The following PSMD14 variants were observed in gnomAD, a reference collection of about 807,000 sequenced individuals.
The protein encoded by PSMD14 is ubiquitin C-terminal hydrolase PSMD14.
PSMD14 carries 7 observed loss-of-function variants against 41.2 expected under a neutral mutation model. The ratio of observed to expected loss-of-function variants is 0.17; its 90% CI spans 0.10 to 0.32. The LOEUF (loss-of-function observed/expected upper bound fraction) is 0.32. PSMD14 is among the 10% of genes least tolerant of loss of function. The pLI, the probability that PSMD14 is intolerant of heterozygous loss-of-function variation, is 1.00. For synonymous variants in PSMD14, 114 were observed against 122.3 expected (o/e 0.93, Z 0.45); for missense variants, 139 against 375.6 (o/e 0.37, Z 5.21).
At chr2:161,391,042 C>G in intron 8 of PSMD14, 62 bp from the exon 9 acceptor site, 1 of 1,361,416 alleles carries the variant, frequency 7.3e-7, no homozygotes, top group Non-Finnish European at 9.7e-7. Context: ...TCAACAGTTT[C>G]AAACATTTTT....
At chr2:161,378,845 G>A (rs1440919074) in intron 7 of PSMD14, among the ~76,000 whole-genome samples, 4 of 151,958 alleles carry the variant, frequency 2.6e-5, no homozygotes, top group African/African-American at 9.7e-5. Flanking sequence ...GAGAGGATTA[G>A]CAAGATAATT....
chr2:161,407,766 T>C (rs1110587), intron 10 of PSMD14: 143,205 of 152,076 alleles, frequency 0.94, 67,478 homozygotes, highest in East Asian at 1. Context: ...CCATCTCACC[T>C]CCTTTTGTAA....
intron 8 of PSMD14, among the ~76,000 whole-genome samples, chr2:161,389,495 T>G (rs1245185260): frequency 6.6e-6 from 1 of 152,188 alleles, no homozygotes; most frequent in Non-Finnish European, 1.5e-5. Flanking sequence ...TCATTGCTTC[T>G]GATGATTATT....
chr2:161,381,330 G>GA (rs1683568022), intron 7 of PSMD14: 1 of 151,182 alleles, frequency 6.6e-6, no homozygotes. Flanking sequence ...TTAAGCTCAA[G>GA]AAAATGAATG....
At chr2:161,350,999 A>G (rs3769963) in intron 3 of PSMD14, among the ~76,000 whole-genome samples, 22,480 of 152,054 alleles carry the variant, frequency 0.15, 1,978 homozygotes, top group East Asian at 0.3. Context: ...CCTTTGTCCA[A>G]TCTCCCTTAG....
intron 7 of PSMD14, among the ~76,000 whole-genome samples, chr2:161,379,421 A>G (rs1375990571): frequency 6.6e-6 from 1 of 152,036 alleles, no homozygotes; most frequent in African/African-American, 2.4e-5. Context: ...GAGAGATAAT[A>G]ACCTTCAGTA....
intron 3 of PSMD14, among the ~76,000 whole-genome samples, chr2:161,348,352 A>G (rs760122779): frequency 1.3e-5 from 2 of 152,234 alleles, no homozygotes; most frequent in Non-Finnish European, 2.9e-5. Context: ...AAGCAGCCAT[A>G]TATTACAAAA....
chr2:161,365,616 C>G (rs1683347983), intron 3 of PSMD14, among the ~76,000 whole-genome samples: 1 of 151,982 alleles, frequency 6.6e-6, no homozygotes, highest in African/African-American at 2.4e-5. Context: ...TAAGATTGCT[C>G]TGGATTCAGG....
At chr2:161,386,153 CTT>C (rs1187826823) in intron 8 of PSMD14, among the ~76,000 whole-genome samples, 1 of 151,790 alleles carries the variant, frequency 6.6e-6, no homozygotes, top group African/African-American at 2.4e-5. Flanking sequence ...TTAATATCCT[CTT>C]GAGTGATTGT....
At chr2:161,343,005 T>G (rs761687121) in intron 3 of PSMD14, among the ~76,000 whole-genome samples, 1 of 152,228 alleles carries the variant, frequency 6.6e-6, no homozygotes, top group South Asian at 2.1e-4. Context: ...TTGTGCTATA[T>G]GTTGAAAATC....
intron 3 of PSMD14, among the ~76,000 whole-genome samples, chr2:161,359,513 T>A (rs1166110413): frequency 6.6e-6 from 1 of 152,142 alleles, no homozygotes; most frequent in Admixed American, 6.5e-5. Flanking sequence ...TTTTTTTAAT[T>A]GGACTTGGAA....
At chr2:161,383,908 G>T (rs923210336) in intron 7 of PSMD14, 1 of 151,350 alleles carries the variant, frequency 6.6e-6, no homozygotes, top group Non-Finnish European at 1.5e-5. Context: ...TTTAACAATT[G>T]TTTGAAGTTA....
intron 7 of PSMD14, among the ~76,000 whole-genome samples, chr2:161,375,628 C>A (rs1683492636): frequency 6.6e-6 from 1 of 151,896 alleles, no homozygotes; most frequent in Non-Finnish European, 1.5e-5. Context: ...CTTTTTTCCA[C>A]AGATATTAGA....
intron 8 of PSMD14, among the ~76,000 whole-genome samples, chr2:161,386,492 G>A (rs1281762392): frequency 1.3e-5 from 2 of 151,660 alleles, no homozygotes. Flanking sequence ...TAATTTTGGG[G>A]CAGTCACTCA....
At chr2:161,386,528 G>C (rs1403743045) in intron 8 of PSMD14, among the ~76,000 whole-genome samples, 1 of 151,066 alleles carries the variant, frequency 6.6e-6, no homozygotes, top group Non-Finnish European at 1.5e-5. Context: ...AAAGTGAAGT[G>C]TTTTGTTTTA....
At position 161,380,966 on chromosome 2, in the gene PSMD14, T is replaced by C. The variant is rs1260789360; in HGVS notation, c.463-4498T>C. ...CAGTTGATAACAGGTCATTTCTAGG[T>C]GATAAAGAGTATTGGATATGGGTTA... On this transcript the variant is annotated intron_variant, in intron 7 of 11. Transcript: ENST00000409682. Among the ~76,000 whole-genome samples the C allele has an allele frequency of 2.6e-5, 4 of 152,110 alleles. No homozygotes were observed. In the East Asian group the frequency reaches 7.8e-4, roughly 30 times the overall value.
intron 7 of PSMD14, 48 bp downstream of exon 7, chr2:161,371,370 A>G: frequency 6.5e-7 from 1 of 1,527,270 alleles, no homozygotes; most frequent in Non-Finnish European, 8.9e-7. Context: ...CATTCTGTTT[A>G]CAGATACATT....
chr2:161,362,441 AT>A (rs1277499765), intron 3 of PSMD14, among the ~76,000 whole-genome samples: 1 of 152,112 alleles, frequency 6.6e-6, no homozygotes, highest in Non-Finnish European at 1.5e-5. Flanking sequence ...GTTGTAACAG[AT>A]TTCTTTATAT....
At chr2:161,346,880 T>C (rs182354737) in intron 3 of PSMD14, among the ~76,000 whole-genome samples, 32 of 152,248 alleles carry the variant, frequency 2.1e-4, no homozygotes. Context: ...CCCCAGACCA[T>C]GCATTGATTC....
Sources: gnomAD v4.1 joint callset for allele counts (sites outside exome capture counted in the v4.1 genomes callset) on GRCh38, gnomAD v4.1.1 for gene constraint, MANE v1.5 for transcripts, NCBI Gene and HGNC (gene_info 2026-07-23, HGNC 2026-07-21) for gene names.